The following IMMP2L variants were observed in gnomAD, a reference collection of about 807,000 sequenced individuals.
The protein encoded by IMMP2L is inner mitochondrial membrane peptidase subunit 2, also known as mitochondrial inner membrane protease subunit 2.
Under a neutral mutation model 19.3 loss-of-function variants are expected in IMMP2L, and 18 were observed. The observed-to-expected ratio is 0.93, with a 90% CI of 0.64 to 1.38. IMMP2L has a LOEUF of 1.38. Among genes scored for constraint, IMMP2L ranks in the 40% most tolerant of loss-of-function variants. The probability of loss-of-function intolerance (pLI) is 0.00; values close to 1 mark genes in which losing one functional copy is unlikely to be tolerated. For missense variants in IMMP2L, 233 were observed against 218.2 expected (o/e 1.07, Z -0.43); for synonymous variants, 76 against 73.0 (o/e 1.04, Z -0.21).
At chr7:111,295,139 G>C (rs1256133168) in intron 3 of IMMP2L, among the ~76,000 whole-genome samples, 3 of 151,828 alleles carry the variant, frequency 2.0e-5, no homozygotes, top group African/African-American at 7.2e-5. Flanking sequence ...GGTGTGACCT[G>C]TAACAAGGTA....
At chr7:111,509,603 T>A (rs1460204062) in intron 2 of IMMP2L, among the ~76,000 whole-genome samples, 2 of 152,164 alleles carry the variant, frequency 1.3e-5, no homozygotes, top group East Asian at 3.9e-4. Flanking sequence ...CAGAGGGCAT[T>A]GCACATAATG....
intron 3 of IMMP2L, among the ~76,000 whole-genome samples, chr7:111,259,179 A>G (rs1015772796): frequency 1.3e-5 from 2 of 152,162 alleles, no homozygotes; most frequent in African/African-American, 4.8e-5. Context: ...TATAAAGTGT[A>G]TAAGCTCCAA....
chr7:111,550,528 G>A (rs1849352918), intron 1 of IMMP2L, among the ~76,000 whole-genome samples: 1 of 152,078 alleles, frequency 6.6e-6, no homozygotes, highest in Non-Finnish European at 1.5e-5. Flanking sequence ...TGATCATGCA[G>A]GAGAGGCTAT....
chr7:110,939,025 A>C (rs1383012512), intron 4 of IMMP2L, among the ~76,000 whole-genome samples: 1 of 152,198 alleles, frequency 6.6e-6, no homozygotes, highest in African/African-American at 2.4e-5. Context: ...TGAGAAGCTA[A>C]GTTTACATTG....
At chr7:110,769,371 C>T (rs1004988500) in intron 5 of IMMP2L, among the ~76,000 whole-genome samples, 1 of 152,156 alleles carries the variant, frequency 6.6e-6, no homozygotes, top group African/African-American at 2.4e-5. Context: ...TACCACCATT[C>T]ATTTGCATAT....
intron 5 of IMMP2L, among the ~76,000 whole-genome samples, chr7:110,779,503 T>C (rs1372176366): frequency 6.6e-6 from 1 of 151,858 alleles, no homozygotes; most frequent in Non-Finnish European, 1.5e-5. Flanking sequence ...GAGAAAGGCA[T>C]TTCTGACTCA....
chr7:110,979,805 C>T (rs1821076802), intron 3 of IMMP2L, among the ~76,000 whole-genome samples: 1 of 152,104 alleles, frequency 6.6e-6, no homozygotes. Flanking sequence ...GGAAAGTGTG[C>T]TTAAGGGTAC....
intron 3 of IMMP2L, among the ~76,000 whole-genome samples, chr7:110,972,314 A>G (rs527874435): frequency 5.3e-5 from 8 of 152,222 alleles, no homozygotes; most frequent in African/African-American, 1.4e-4. Flanking sequence ...GTTTTTCTAT[A>G]TATTTAATTT....
At chr7:111,353,612 C>T (rs1428905223) in intron 3 of IMMP2L, among the ~76,000 whole-genome samples, 1 of 152,042 alleles carries the variant, frequency 6.6e-6, no homozygotes, top group Non-Finnish European at 1.5e-5. Context: ...CTTAACTTTT[C>T]TTTATTGCAT....
chr7:110,696,536 C>A (rs1418079532), intron 5 of IMMP2L, among the ~76,000 whole-genome samples: 1 of 148,698 alleles, frequency 6.7e-6, no homozygotes, highest in African/African-American at 2.5e-5. Context: ...AAGCGATTCT[C>A]CTGCCTCAGC....
At chr7:111,243,526 T>TA (rs1462986638) in intron 3 of IMMP2L, among the ~76,000 whole-genome samples, 31 of 150,426 alleles carry the variant, frequency 2.1e-4, no homozygotes, top group Admixed American at 6.0e-4. Context: ...TTTTTTTTTT[T>TA]TTATTATACT....
chr7:111,451,882 T>C (rs1839234452), intron 3 of IMMP2L, among the ~76,000 whole-genome samples: 1 of 152,022 alleles, frequency 6.6e-6, no homozygotes, highest in Non-Finnish European at 1.5e-5. Flanking sequence ...AATATATACT[T>C]TTTTAAAAGA....
chr7:110,896,817 T>C (rs1484048344), intron 4 of IMMP2L, among the ~76,000 whole-genome samples: 1 of 152,114 alleles, frequency 6.6e-6, no homozygotes, highest in Non-Finnish European at 1.5e-5. Context: ...TTCTGCTTTT[T>C]TTTTTTAGAG....
intron 3 of IMMP2L, among the ~76,000 whole-genome samples, chr7:111,461,400 A>C (rs1840125094): frequency 6.6e-6 from 1 of 152,106 alleles, no homozygotes; most frequent in Non-Finnish European, 1.5e-5. Context: ...AAATACACAC[A>C]CACATACACG....
intron 3 of IMMP2L, among the ~76,000 whole-genome samples, chr7:111,046,546 T>C (rs966645562): frequency 1.3e-5 from 2 of 152,116 alleles, no homozygotes; most frequent in Admixed American, 6.5e-5. Context: ...GAGTCTATAA[T>C]AAATGAAGAT....
At chr7:110,799,516 T>C (rs1030715361) in intron 5 of IMMP2L, among the ~76,000 whole-genome samples, 64 of 152,038 alleles carry the variant, frequency 4.2e-4, no homozygotes, top group African/African-American at 1.4e-3. Context: ...TTGAATTTGT[T>C]TTTGGAAGCA....
chr7:111,491,254 T>A (rs1843074586), intron 2 of IMMP2L, among the ~76,000 whole-genome samples: 1 of 152,202 alleles, frequency 6.6e-6, no homozygotes, highest in African/African-American at 2.4e-5. Context: ...TCACTGTTTA[T>A]GTTAACAGTA....
chr7:111,469,952 A>C (rs1841071063), intron 3 of IMMP2L, among the ~76,000 whole-genome samples: 2 of 152,202 alleles, frequency 1.3e-5, no homozygotes, highest in South Asian at 4.1e-4. Context: ...ACAAAATGGG[A>C]GAAAATTTTC....
chr7:111,303,854 G>C (rs760451541), intron 3 of IMMP2L, among the ~76,000 whole-genome samples: 1 of 151,894 alleles, frequency 6.6e-6, no homozygotes, highest in Admixed American at 6.6e-5. Context: ...AAGAAAAAAA[G>C]GTGTGATGGA....
Sources: allele counts gnomAD v4.1 joint callset (sites outside exome capture counted in the v4.1 genomes callset), GRCh38; gene constraint gnomAD v4.1.1; transcripts MANE v1.5; gene names NCBI Gene and HGNC (gene_info 2026-07-23, HGNC 2026-07-21).